Variants in SRRD observed in about 807,000 individuals in gnomAD.
The protein encoded by SRRD is SRR1 domain containing, also known as SRR1-like protein.
Under a neutral mutation model 30.7 loss-of-function variants are expected in SRRD, and 28 were observed. The ratio of observed to expected loss-of-function variants is 0.91; its 90% CI spans 0.68 to 1.25. SRRD has a LOEUF of 1.25. SRRD is among the 50% of genes most tolerant of loss of function. The pLI, the probability that SRRD is intolerant of heterozygous loss-of-function variation, is 0.00. For missense variants in SRRD, 415 were observed against 417.3 expected, an observed-to-expected ratio of 0.99 and a Z score of 0.05; for synonymous variants, 161 against 159.6, an observed-to-expected ratio of 1.01 and a Z score of -0.07.
Position 26,488,256 on chromosome 22 carries a change from A to C in SRRD, c.478A>C (p.Thr160Pro), listed in dbSNP as rs1432301859. 1.2e-6 allele frequency: 2 copies of C among 1,614,028 alleles called. No homozygotes were observed. The highest frequency in any genetic ancestry group is 4.5e-5 in the East Asian group (2 of 44,886). The change falls in exon 3 of 7, where the codon ACG (threonine) becomes CCG (proline). Residue 160 changes from threonine to proline, a missense_variant. Coordinates refer to ENST00000215917, the MANE Select transcript of SRRD (RefSeq NM_001013694.3). ...ATCIVARNQLTFLLLLLEKCQ... is the reference protein window; with the variant it reads ...ATCIVARNQLPFLLLLLEKCQ... ...CTGCATCGTAGCTAGAAACCAGCTAACGTTTTTGCTGCTTTTGTTGGAAAA... is the reference window on the plus strand; with the variant it reads ...CTGCATCGTAGCTAGAAACCAGCTACCGTTTTTGCTGCTTTTGTTGGAAAA...
Position 26,494,532 on chromosome 22 carries a change from T to A in SRRD, c.*2860T>A. 1 of 700,594 alleles carries A rather than the reference T, an allele frequency of 1.4e-6. No individual in the cohort carries two copies. The highest frequency in any genetic ancestry group is 2.3e-6 in the Non-Finnish European group (1 of 425,922). 43.4% of individuals were successfully genotyped at this position (700,594 alleles called of 1,614,324 possible). A position where few individuals can be genotyped will look rare whatever the true frequency, so the allele number is the denominator to read the frequency against. On this transcript the variant is annotated 3_prime_UTR_variant, in exon 7 of 7. Transcript: ENST00000215917. ...CTCTCTGAGCCTCAGCTTCCATGTC[T>A]ACACAACAGGGATACCATATCCCCT...
intron 4 of SRRD, among the ~76,000 whole-genome samples, chr22:26,489,358 C>T (rs1056639367): frequency 2.6e-5 from 4 of 152,078 alleles, no homozygotes; most frequent in African/African-American, 7.2e-5. Context: ...CCTTGTACTA[C>T]GACAGGTGTT....
chr22:26,488,263 T>C lies in SRRD; in HGVS notation c.485T>C (p.Leu162Ser). ...CIVARNQLTFLLLLLEKCQIP... is the reference protein window; with the variant it reads ...CIVARNQLTFSLLLLEKCQIP... ...GTAGCTAGAAACCAGCTAACGTTTT[T>C]GCTGCTTTTGTTGGAAAAGTGCCAG... The change falls in exon 3 of 7, where the codon TTG (leucine) becomes TCG (serine). Residue 162 changes from leucine to serine, a missense_variant. Physicochemically the swap from Leu to Ser is moderately radical, Grantham distance 145. Transcript: ENST00000215917. 1 of 1,614,074 alleles carries C rather than the reference T, an allele frequency of 6.2e-7. No homozygotes were observed. Among genetic ancestry groups the C allele is most frequent in the Non-Finnish European group, 8.5e-7 (1 of 1,179,908 alleles).
Position 26,488,419 on chromosome 22 carries a change from C to A in SRRD, c.540C>A (p.Asp180Glu), listed in dbSNP as rs1602182109. Residue 180 changes from aspartate (D) to glutamate (E), a missense_variant, in exon 4 of 7, where the codon GAC becomes GAA. By Grantham distance (45) the Asp-to-Glu change is conservative. Coordinates refer to ENST00000215917, the MANE Select transcript of SRRD (RefSeq NM_001013694.3). ...QIPRSHCWVY[D>E]PLFSQLEIEV... is the part of the protein sequence containing the mutation. ...CCAGAAGTCACTGTTGGGTATATGA[C>A]CCTCTGTTTAGCCAACTTGAAATTG... 1.2e-6 allele frequency: 2 copies of A among 1,614,132 alleles called. No homozygotes were observed. The highest frequency in any genetic ancestry group is 2.2e-5 in the South Asian group (2 of 91,074).
rs530864868 is a variant in SRRD at position 26,492,757 on chromosome 22, C to A, written c.*1085C>A. 23 of 210,822 alleles carry A rather than the reference C, an allele frequency of 1.1e-4. No individual in the cohort carries two copies. The South Asian group carries it at 1.9e-3, about 17-fold the overall frequency. 13.1% of individuals were successfully genotyped at this position (210,822 alleles called of 1,614,324 possible). A position where few individuals can be genotyped will look rare whatever the true frequency, so the allele number is the denominator to read the frequency against. ...TTTAGTACCTTGAAAACATAGGGCC[C>A]ATACTGGCTTTATTTTTAACCTACC... On this transcript the variant is annotated 3_prime_UTR_variant, in exon 7 of 7. Transcript: ENST00000215917.
At position 26,490,038 on chromosome 22, in the gene SRRD, C is replaced by T. The variant is rs770014020; in HGVS notation, c.610-6C>T. On this transcript the variant is annotated splice_polypyrimidine_tract_variant and splice_region_variant and intron_variant, in intron 4 of 6. Coordinates refer to ENST00000215917, the MANE Select transcript of SRRD (RefSeq NM_001013694.3). ...ATGTTTACACCTGTGAATATCGTAT[C>T]CCCAGGAAGGGAAACGGAGTATTCG... is the stretch of plus-strand genomic sequence containing the variant. The T allele has an allele frequency of 6.2e-7, 1 of 1,613,730 alleles. No homozygotes were observed.
In SRRD at chr22:26,494,635, C is replaced by G. The variant is rs1323834284; in HGVS notation, c.*2963C>G. 2.0e-6 allele frequency: 2 copies of G among 1,020,448 alleles called. No individual in the cohort carries two copies. The highest frequency in any genetic ancestry group is 5.1e-5 in the East Asian group (2 of 38,920). The allele number at this position is 1,020,448 out of a possible 1,614,324, so 63.2% of individuals were successfully genotyped here. A position where few individuals can be genotyped will look rare whatever the true frequency, so the allele number is the denominator to read the frequency against. ...ACAGCTTCTGATACATGGCAAATGTCCAATAAATGGTGCCCACTATGAAGA... is the reference window on the plus strand; with the variant it reads ...ACAGCTTCTGATACATGGCAAATGTGCAATAAATGGTGCCCACTATGAAGA... On this transcript the variant is annotated 3_prime_UTR_variant, in exon 7 of 7. Coordinates refer to ENST00000215917, the MANE Select transcript of SRRD (RefSeq NM_001013694.3).
In SRRD at chr22:26,492,524, C is replaced by T. The variant is rs892821577; in HGVS notation, c.*852C>T. 5.9e-5 allele frequency: 38 copies of T among 647,670 alleles called. No individual in the cohort carries two copies. The highest frequency in any genetic ancestry group is 4.2e-4 in the Middle Eastern group (1 of 2,376). The allele number at this position is 647,670 out of a possible 1,614,324, so 40.1% of individuals were successfully genotyped here. ...GATACAACTTTGGAGGAAGTTTAGA[C>T]GACTGGCCAGTATCACATAAAAACT... On this transcript the variant is annotated 3_prime_UTR_variant, in exon 7 of 7. Transcript: ENST00000215917.
At chr22:26,487,427 T>C (rs1011815764) in intron 2 of SRRD, among the ~76,000 whole-genome samples, 1 of 151,988 alleles carries the variant, frequency 6.6e-6, no homozygotes, top group African/African-American at 2.4e-5. Flanking sequence ...CGGTGTGATC[T>C]CGGCTAACTG....
At chr22:26,487,968 T>G in intron 2 of SRRD, 61 bp from the exon 3 acceptor site, 1 of 1,520,310 alleles carries the variant, frequency 6.6e-7, no homozygotes, top group Admixed American at 2.2e-5. Flanking sequence ...CTTTTGTGGA[T>G]GATTTGGTTC....
chr22:26,490,559 C>CTTTTTTTTTGTTTTTTTTTTTTT (rs1921028728), intron 5 of SRRD, among the ~76,000 whole-genome samples: 1 of 51,834 alleles, frequency 1.9e-5, no homozygotes. Flanking sequence ...GGAATATTTG[C>CTTTTTTTTTGTTTTTTTTTTTTT]TTTTTTTTTT....
chr22:26,492,071 T>G lies in SRRD; in HGVS notation c.*399T>G, dbSNP rs1394284432. The G allele has an allele frequency of 1.9e-6, 3 of 1,612,532 alleles. No homozygotes were observed. The highest frequency in any genetic ancestry group is 2.5e-6 in the Non-Finnish European group (3 of 1,179,378). On this transcript the variant is annotated 3_prime_UTR_variant, in exon 7 of 7. Coordinates refer to ENST00000215917, the MANE Select transcript of SRRD (RefSeq NM_001013694.3). ...GGTGGGCACCCACGTCTTCTCGCCC[T>G]GGACAAAGACCACTCCCCGGTCGAT...
intron 1 of SRRD, 105 bp from the exon 2 acceptor site, chr22:26,485,918 C>A (rs1412719780): frequency 2.9e-6 from 4 of 1,368,316 alleles, no homozygotes; most frequent in South Asian, 1.2e-5. Context: ...CCCTGCATTG[C>A]AGGGCACCTC....
At position 26,484,039 on chromosome 22, in the gene SRRD, G is replaced by A. The variant is rs1164947012; in HGVS notation, c.149G>A (p.Gly50Asp). The A allele has an allele frequency of 1.4e-5, 20 of 1,389,612 alleles. No homozygotes were observed. The highest frequency in any genetic ancestry group is 1.9e-5 in the Non-Finnish European group (20 of 1,068,852). The allele number at this position is 1,389,612 out of a possible 1,614,324, so 86.1% of individuals were successfully genotyped here. Residue 50 changes from glycine (G) to aspartate (D), a missense_variant, in exon 1 of 7, where the codon GGC (glycine) becomes GAC (aspartate). Physicochemically the swap from Gly to Asp is moderately conservative, Grantham distance 94 (BLOSUM62 -1). Transcript: ENST00000215917. ...CGGGGGAGAGAGGCGGCGCCCCGGG[G>A]CCCCGAGGCGGAGTTCGAGTCTGAC... ...APRGREAAPR[G>D]PEAEFESDSG...
At position 26,493,852 on chromosome 22, in the gene SRRD, A is replaced by T; in HGVS notation, c.*2180A>T. ...TGAGCCTTAAAAGGCCACACAGCAC[A>T]GTGGTTAAGAGGGCGGGGCCTGGGG... is the stretch of plus-strand genomic sequence containing the variant. On this transcript the variant is annotated 3_prime_UTR_variant, in exon 7 of 7. Transcript: ENST00000215917. The T allele has an allele frequency of 2.6e-6, 1 of 391,928 alleles. No homozygotes were observed. The highest frequency in any genetic ancestry group is 4.8e-6 in the Non-Finnish European group (1 of 208,758). 24.3% of individuals were successfully genotyped at this position (391,928 alleles called of 1,614,324 possible).
Position 26,492,082 on chromosome 22 carries a change from C to A in SRRD, c.*410C>A, listed in dbSNP as rs570548923. ...ACGTCTTCTCGCCCTGGACAAAGAC[C>A]ACTCCCCGGTCGATGTAGATCACAA... On this transcript the variant is annotated 3_prime_UTR_variant, in exon 7 of 7. Coordinates refer to ENST00000215917, the MANE Select transcript of SRRD (RefSeq NM_001013694.3). The A allele has an allele frequency of 6.2e-7, 1 of 1,613,268 alleles. No homozygotes were observed. Among genetic ancestry groups the A allele is most frequent in the South Asian group, 1.1e-5 (1 of 90,820 alleles).
intron 4 of SRRD, among the ~76,000 whole-genome samples, chr22:26,489,815 T>C (rs760647083): frequency 3.3e-5 from 5 of 152,192 alleles, no homozygotes; most frequent in Non-Finnish European, 7.3e-5. Context: ...GAACACAATG[T>C]GTACATTTGT....
chr22:26,490,959 A>C, intron 5 of SRRD, 66 bp from the exon 6 acceptor site: 1 of 1,435,706 alleles, frequency 7.0e-7, no homozygotes, highest in Non-Finnish European at 9.7e-7. Context: ...AGTTGAATGA[A>C]ACTATCCTCA....
chr22:26,491,870 A>T lies in SRRD; in HGVS notation c.*198A>T. Reference sequence around the variant, plus strand: ...CCTACGTGGCATTGTCCCATTTTACATCCTTCCCTCATGACCTGGCCTGAT... The same window carrying T: ...CCTACGTGGCATTGTCCCATTTTACTTCCTTCCCTCATGACCTGGCCTGAT... On this transcript the variant is annotated 3_prime_UTR_variant, in exon 7 of 7. Coordinates refer to ENST00000215917, the MANE Select transcript of SRRD (RefSeq NM_001013694.3). 1 of 993,156 alleles carries T rather than the reference A, an allele frequency of 1.0e-6. No individual in the cohort carries two copies. Among genetic ancestry groups the T allele is most frequent in the Non-Finnish European group, 1.5e-6 (1 of 686,596 alleles). 61.5% of individuals were successfully genotyped at this position (993,156 alleles called of 1,614,324 possible).
Sources: gnomAD v4.1 joint callset for allele counts (sites outside exome capture counted in the v4.1 genomes callset) on GRCh38, gnomAD v4.1.1 for gene constraint, MANE v1.5 for transcripts, NCBI Gene and HGNC (gene_info 2026-07-23, HGNC 2026-07-21) for gene names.